Variants in TEAD1 observed in about 807,000 individuals in gnomAD.
The protein encoded by TEAD1 is transcriptional enhancer factor TEF-1.
A neutral mutation model predicts 54.9 loss-of-function variants in TEAD1; 9 were observed. The observed-to-expected ratio is 0.16, with a 90% confidence interval of 0.10 to 0.29. The LOEUF is 0.29. TEAD1 is among the 10% of genes least tolerant of loss of function. TEAD1 has a pLI of 1.00. For synonymous variants in TEAD1, 200 were observed against 187.8 expected (o/e 1.07, Z -0.53); for missense variants, 387 against 535.9 (o/e 0.72, Z 2.74).
chr11:12,688,175 C>G (rs753318590), intron 2 of TEAD1, among the ~76,000 whole-genome samples: 1 of 152,098 alleles, frequency 6.6e-6, no homozygotes, highest in Non-Finnish European at 1.5e-5. Flanking sequence ...CTCTTCCCAC[C>G]CAGGTGACCA....
intron 3 of TEAD1, among the ~76,000 whole-genome samples, chr11:12,819,143 G>A (rs1300697969): frequency 6.6e-6 from 1 of 152,166 alleles, no homozygotes; most frequent in African/African-American, 2.4e-5. Context: ...CCCAGATCCA[G>A]ACAGTGGGTT....
At chr11:12,777,126 G>A (rs1398988975) in intron 3 of TEAD1, among the ~76,000 whole-genome samples, 3 of 151,956 alleles carry the variant, frequency 2.0e-5, no homozygotes, top group South Asian at 2.1e-4. Flanking sequence ...TTGTGTCAAT[G>A]TACTCTCCTC....
At chr11:12,810,915 GTCAT>G (rs1946286483) in intron 3 of TEAD1, among the ~76,000 whole-genome samples, 1 of 152,210 alleles carries the variant, frequency 6.6e-6, no homozygotes, top group African/African-American at 2.4e-5. Context: ...GAGGCTGGGA[GTCAT>G]TTGGATGGAG....
intron 2 of TEAD1, among the ~76,000 whole-genome samples, chr11:12,710,273 G>T (rs886185416): frequency 6.6e-6 from 1 of 152,112 alleles, no homozygotes; most frequent in Non-Finnish European, 1.5e-5. Flanking sequence ...GCAGTGAGCC[G>T]TGATCACACC....
intron 5 of TEAD1, among the ~76,000 whole-genome samples, chr11:12,873,741 TC>T (rs1210550204): frequency 6.6e-6 from 1 of 152,184 alleles, no homozygotes; most frequent in Admixed American, 6.5e-5. Flanking sequence ...CCATCCTTTT[TC>T]CAAAACCATA....
At chr11:12,791,075 C>T (rs1457242129) in intron 3 of TEAD1, among the ~76,000 whole-genome samples, 1 of 152,204 alleles carries the variant, frequency 6.6e-6, no homozygotes, top group African/African-American at 2.4e-5. Context: ...TTTATATGTG[C>T]ATCTGAATGC....
intron 4 of TEAD1, among the ~76,000 whole-genome samples, chr11:12,862,762 C>T (rs1037045284): frequency 6.6e-6 from 1 of 152,120 alleles, no homozygotes; most frequent in African/African-American, 2.4e-5. Context: ...GAGTATTGGC[C>T]TGAATGTAAT....
At chr11:12,864,994 G>C (rs1448773557) in intron 5 of TEAD1, 94 bp downstream of exon 5, 3 of 1,366,420 alleles carry the variant, frequency 2.2e-6, no homozygotes, top group Admixed American at 1.7e-5. Flanking sequence ...TGGGATTCTC[G>C]TAACCTAGTT....
chr11:12,785,577 C>T (rs2133954273), intron 3 of TEAD1, among the ~76,000 whole-genome samples: 1 of 152,354 alleles, frequency 6.6e-6, no homozygotes, highest in Non-Finnish European at 1.5e-5. Flanking sequence ...CCTTCCTGTG[C>T]CTTCACTTTT....
intron 3 of TEAD1, among the ~76,000 whole-genome samples, chr11:12,793,542 G>A (rs1564941801): frequency 6.6e-6 from 1 of 151,918 alleles, no homozygotes; most frequent in Non-Finnish European, 1.5e-5. Context: ...GTTTAATTTT[G>A]TTCAGTTTTT....
chr11:12,702,290 C>T (rs1342026926), intron 2 of TEAD1, among the ~76,000 whole-genome samples: 1 of 152,060 alleles, frequency 6.6e-6, no homozygotes, highest in Non-Finnish European at 1.5e-5. Context: ...GGAAATTGAC[C>T]CTGCGTGTTA....
chr11:12,898,952 T>C (rs931101529), intron 9 of TEAD1, among the ~76,000 whole-genome samples: 14 of 152,198 alleles, frequency 9.2e-5, no homozygotes, highest in Non-Finnish European at 2.9e-5. Context: ...GACCTGTAGA[T>C]GTCAGGGCCG....
intron 5 of TEAD1, among the ~76,000 whole-genome samples, chr11:12,872,061 C>G (rs958730944): frequency 6.6e-6 from 1 of 152,184 alleles, no homozygotes; most frequent in Admixed American, 6.5e-5. Flanking sequence ...CCATTCTTTC[C>G]AAACTGCTGT....
intron 5 of TEAD1, among the ~76,000 whole-genome samples, chr11:12,870,122 C>A (rs187293863): frequency 1.3e-5 from 2 of 152,244 alleles, no homozygotes; most frequent in Admixed American, 6.5e-5. Flanking sequence ...TCAAGTGATG[C>A]GCCTGCCTCA....
intron 2 of TEAD1, among the ~76,000 whole-genome samples, chr11:12,715,470 G>A (rs1590077662): frequency 2.0e-5 from 3 of 152,286 alleles, no homozygotes; most frequent in Admixed American, 1.3e-4. Context: ...GCCAAGGGCT[G>A]GTTGCCTTCG....
intron 3 of TEAD1, among the ~76,000 whole-genome samples, chr11:12,783,001 G>A (rs1945589598): frequency 6.6e-6 from 1 of 152,124 alleles, no homozygotes; most frequent in East Asian, 1.9e-4. Context: ...GGATCCAGAT[G>A]TCACTAAACA....
chr11:12,909,317 C>T (rs1252108430), intron 10 of TEAD1, among the ~76,000 whole-genome samples: 1 of 152,058 alleles, frequency 6.6e-6, no homozygotes, highest in Non-Finnish European at 1.5e-5. Flanking sequence ...TCTTTATATC[C>T]AGTCTATTAT....
At chr11:12,823,037 T>TGACAAA (rs1257866333) in intron 3 of TEAD1, among the ~76,000 whole-genome samples, 1 of 152,238 alleles carries the variant, frequency 6.6e-6, no homozygotes, top group East Asian at 1.9e-4. Flanking sequence ...TTTTTTGTTT[T>TGACAAA]TTACATATGT....
intron 3 of TEAD1, among the ~76,000 whole-genome samples, chr11:12,819,077 A>G (rs188665029): frequency 3.3e-5 from 5 of 152,348 alleles, no homozygotes; most frequent in African/African-American, 1.2e-4. Context: ...TATGGGGACC[A>G]GAGAACCTAA....
Sources: allele counts gnomAD v4.1 joint callset (sites outside exome capture counted in the v4.1 genomes callset), GRCh38; gene constraint gnomAD v4.1.1; transcripts MANE v1.5; gene names NCBI Gene and HGNC (gene_info 2026-07-23, HGNC 2026-07-21).